Variants in ZDHHC13 observed in about 807,000 individuals in gnomAD.
ZDHHC13 encodes palmitoyltransferase ZDHHC13.
A neutral mutation model predicts 86.0 loss-of-function variants in ZDHHC13; 85 were observed. The ratio of observed to expected loss-of-function variants is 0.99; its 90% confidence interval spans 0.83 to 1.18. The LOEUF (loss-of-function observed/expected upper bound fraction) is 1.18. Ranked by LOEUF, ZDHHC13 falls within the 50% of genes most tolerant of loss-of-function variation. ZDHHC13 has a pLI of 0.00. For missense variants in ZDHHC13, 711 were observed against 730.2 expected (o/e 0.97, Z 0.30); for synonymous variants, 263 against 246.4 (o/e 1.07, Z -0.63).
intron 2 of ZDHHC13, among the ~76,000 whole-genome samples, chr11:19,145,679 A>G (rs1461167725): frequency 1.3e-5 from 2 of 152,212 alleles, no homozygotes; most frequent in Non-Finnish European, 2.9e-5. Flanking sequence ...TTGTCAACCT[A>G]TAAAATATAG....
intron 14 of ZDHHC13, chr11:19,170,090 C>T: frequency 8.9e-7 from 1 of 1,127,330 alleles, no homozygotes. Flanking sequence ...AGGGAGTGTT[C>T]TAAACAAATA....
Position 19,149,276 on chromosome 11 carries a change from T to G in ZDHHC13, c.464T>G (p.Leu155Arg), listed in dbSNP as rs779529361. 25 of 1,606,228 alleles carry G rather than the reference T, an allele frequency of 1.6e-5. No homozygotes were observed. The highest frequency in any genetic ancestry group is 1.7e-4 in the Middle Eastern group (1 of 6,060). The change falls in exon 5 of 17, where the codon CTG (leucine) becomes CGG (arginine). Residue 155 changes from leucine (L) to arginine (R), a missense_variant. Coordinates refer to ENST00000446113, the MANE Select transcript of ZDHHC13 (RefSeq NM_019028.3). ...IDGEGFSSIHLAVLFQHMPII... is the reference protein window; with the variant it reads ...IDGEGFSSIHRAVLFQHMPII... ...GGAGAGGGATTCAGCAGCATCCACC[T>G]GGCAGTATTGTTTCAACACATGCCT...
At position 19,160,810 on chromosome 11, in the gene ZDHHC13, GTT is replaced by G. The variant is rs201594498; in HGVS notation, c.1108+1777_1108+1778del. On this transcript the variant is annotated intron_variant, in intron 10 of 16. Transcript: ENST00000446113. ...AGTAATAAACCTATTTCTTGGATGA[GTT>G]TTTTTTGTTTGTTTTTGTTTTAATC... is the stretch of plus-strand genomic sequence containing the variant. Among the ~76,000 whole-genome samples the G allele has an allele frequency of 3.3e-4, 50 of 151,760 alleles. 2 individuals are homozygous for G. Among genetic ancestry groups the G allele is most frequent in the African/African-American group, 1.2e-3 (49 of 41,212 alleles).
intron 1 of ZDHHC13, among the ~76,000 whole-genome samples, chr11:19,124,760 T>TGG (rs150900150): frequency 3.2e-4 from 49 of 151,654 alleles, no homozygotes; most frequent in South Asian, 1.2e-3. Context: ...TCTGCGTGTG[T>TGG]GTGGGGGGGT....
At chr11:19,129,605 G>A (rs1045938572) in intron 1 of ZDHHC13, among the ~76,000 whole-genome samples, 1 of 151,844 alleles carries the variant, frequency 6.6e-6, no homozygotes, top group Non-Finnish European at 1.5e-5. Flanking sequence ...TATTAATATG[G>A]TGGGTTACAT....
In ZDHHC13 at chr11:19,150,204, T is replaced by C. The variant is rs80105496; in HGVS notation, c.520-523T>C. Among the ~76,000 whole-genome samples the C allele has an allele frequency of 8.9e-3, 1,356 of 152,302 alleles. 26 individuals carry two copies. The highest frequency in any genetic ancestry group is 0.031 in the African/African-American group (1,291 of 41,570). Reference sequence around the variant, plus strand: ...AAAGGACTGTATCCTCATGGAAATATGATTTCCTTTTTTTTTCTGTGTTCC... The same window carrying C: ...AAAGGACTGTATCCTCATGGAAATACGATTTCCTTTTTTTTTCTGTGTTCC... On this transcript the variant is annotated intron_variant, in intron 5 of 16. Coordinates refer to ENST00000446113, the MANE Select transcript of ZDHHC13 (RefSeq NM_019028.3).
At chr11:19,147,504 C>T (rs1394835432) in intron 3 of ZDHHC13, 92 bp from the exon 4 acceptor site, 1 of 1,101,826 alleles carries the variant, frequency 9.1e-7, no homozygotes, top group East Asian at 2.6e-5. Flanking sequence ...TGTTCTCCAA[C>T]ATATTTATTA....
intron 14 of ZDHHC13, chr11:19,166,976 G>T (rs1850089163): frequency 6.6e-6 from 1 of 152,382 alleles, no homozygotes; most frequent in African/African-American, 2.4e-5. Flanking sequence ...CATAGGGAAT[G>T]ACAGCCAGCT....
intron 8 of ZDHHC13, 131 bp downstream of exon 8, chr11:19,152,815 C>T: frequency 7.1e-7 from 1 of 1,400,424 alleles, no homozygotes; most frequent in Non-Finnish European, 9.7e-7. Context: ...TATATCTTTC[C>T]CCCGCATCCT....
intron 4 of ZDHHC13, among the ~76,000 whole-genome samples, chr11:19,147,905 T>A (rs1204180047): frequency 6.6e-6 from 1 of 152,114 alleles, no homozygotes; most frequent in Non-Finnish European, 1.5e-5. Flanking sequence ...TTTTTTGTAA[T>A]TAGAATAAAT....
At chr11:19,173,558 A>G (rs2133489100) in intron 16 of ZDHHC13, among the ~76,000 whole-genome samples, 1 of 152,226 alleles carries the variant, frequency 6.6e-6, no homozygotes, top group South Asian at 2.1e-4. Flanking sequence ...TACAAGATGA[A>G]ACTGTTAGGC....
chr11:19,132,122 C>A (rs1849015186), intron 1 of ZDHHC13, among the ~76,000 whole-genome samples: 1 of 152,062 alleles, frequency 6.6e-6, no homozygotes, highest in African/African-American at 2.4e-5. Context: ...TGCTTCTTGG[C>A]ATGTTTAGTG....
intron 1 of ZDHHC13, among the ~76,000 whole-genome samples, chr11:19,140,932 G>T (rs1373685093): frequency 1.7e-5 from 2 of 114,430 alleles, no homozygotes; most frequent in Non-Finnish European, 3.5e-5. Context: ...GGGGGGAGGG[G>T]GGAGGGATAG....
intron 4 of ZDHHC13, 102 bp downstream of exon 4, chr11:19,147,775 C>CA: frequency 8.0e-6 from 6 of 754,416 alleles, no homozygotes; most frequent in Non-Finnish European, 1.1e-5. Flanking sequence ...CTTTTCTTCC[C>CA]CCCCCCCCTT....
intron 4 of ZDHHC13, among the ~76,000 whole-genome samples, chr11:19,148,157 T>G (rs901235782): frequency 1.5e-4 from 23 of 152,210 alleles, no homozygotes; most frequent in Non-Finnish European, 2.8e-4. Context: ...TATTGTGTGG[T>G]CACTCTCCTT....
rs199823189 is a variant in ZDHHC13, at chr11:19,164,290, A to C, written c.1234-11A>C. 6.2e-7 allele frequency: 1 copy of C among 1,612,670 alleles called. No individual in the cohort carries two copies. The highest frequency in any genetic ancestry group is 1.1e-5 in the South Asian group (1 of 90,988). On this transcript the variant is annotated splice_polypyrimidine_tract_variant and intron_variant, in intron 11 of 16. Coordinates refer to ENST00000446113, the MANE Select transcript of ZDHHC13 (RefSeq NM_019028.3). ...AAAATGTGGTAATAGGTCAAACTTCATGTCTTTCAGAATATCATCACCCTT... is the reference window on the plus strand; with the variant it reads ...AAAATGTGGTAATAGGTCAAACTTCCTGTCTTTCAGAATATCATCACCCTT...
intron 1 of ZDHHC13, among the ~76,000 whole-genome samples, chr11:19,120,452 A>G (rs892586681): frequency 6.6e-6 from 1 of 152,240 alleles, no homozygotes; most frequent in Non-Finnish European, 1.5e-5. Flanking sequence ...TGAAAGAGCC[A>G]GGAAGAAGAA....
At chr11:19,160,590 T>C (rs1327569215) in intron 10 of ZDHHC13, among the ~76,000 whole-genome samples, 1 of 151,952 alleles carries the variant, frequency 6.6e-6, no homozygotes, top group African/African-American at 2.4e-5. Context: ...AATGTGTTTT[T>C]TGATAAATTT....
chr11:19,117,312 G>C lies in ZDHHC13; in HGVS notation c.27+36G>C. The C allele has an allele frequency of 6.9e-7, 1 of 1,445,980 alleles. No individual in the cohort carries two copies. Among genetic ancestry groups the C allele is most frequent in the Non-Finnish European group, 9.1e-7 (1 of 1,099,242 alleles). 89.6% of individuals were successfully genotyped at this position (1,445,980 alleles called of 1,614,324 possible). On this transcript the variant is annotated intron_variant, in intron 1 of 16. Transcript: ENST00000446113. The surrounding 1 kb of genome is among the most constrained non-coding windows in gnomAD (Gnocchi z 4.2). ...CCGGGCGGTGGCTGTCCTGGGGGCC[G>C]GGAGAGCGGCTGCAGCTGTGGAGGA...
Sources: allele counts gnomAD v4.1 joint callset (sites outside exome capture counted in the v4.1 genomes callset), GRCh38; gene constraint gnomAD v4.1.1; non-coding constraint Gnocchi (gnomAD v3.1); transcripts MANE v1.5; gene names NCBI Gene and HGNC (gene_info 2026-07-23, HGNC 2026-07-21).